Variants in SUMF2 observed in about 807,000 individuals in gnomAD.
The protein encoded by SUMF2 is sulfatase modifying factor 2.
In SUMF2, 45 loss-of-function variants were observed where a neutral mutation model predicts 44.8. The ratio of observed to expected loss-of-function variants is 1.00; its 90% CI spans 0.79 to 1.29. The LOEUF (loss-of-function observed/expected upper bound fraction) is 1.29. SUMF2 is among the 50% of genes most tolerant of loss of function. The probability of loss-of-function intolerance (pLI) is 0.00; values close to 1 mark genes in which losing one functional copy is unlikely to be tolerated. For synonymous variants in SUMF2, 148 were observed against 150.4 expected (o/e 0.98, Z 0.12); for missense variants, 418 against 389.9 (o/e 1.07, Z -0.61).
At chr7:56,076,785 C>T (rs1266036789) in intron 5 of SUMF2, 49 bp from the exon 6 acceptor site, 2 of 1,521,696 alleles carry the variant, frequency 1.3e-6, no homozygotes, top group Non-Finnish European at 1.8e-6. Flanking sequence ...TTTTCCTTCC[C>T]TAATTCTTCA....
chr7:56,087,062 G>A, the SUMF2 span: 3 of 1,578,660 alleles, frequency 1.9e-6, no homozygotes, highest in Non-Finnish European at 2.6e-6. Flanking sequence ...AAGTAGCAGG[G>A]GAGCCCAGGC....
downstream of SUMF2, chr7:56,080,791 A>C (rs1562874766): frequency 1.9e-6 from 1 of 525,858 alleles, no homozygotes; most frequent in Non-Finnish European, 3.4e-6. Flanking sequence ...GTAGAGGAGC[A>C]GGGGGTTCCT....
chr7:56,086,479 TTTTTG>T, the SUMF2 span, among the ~76,000 whole-genome samples: 1 of 152,008 alleles, frequency 6.6e-6, no homozygotes, highest in Non-Finnish European at 1.5e-5. Flanking sequence ...TTTGGGGTTT[TTTTTG>T]TTTTGTTTTG....
chr7:56,070,067 C>T (rs1795060407), intron 2 of SUMF2, among the ~76,000 whole-genome samples: 1 of 151,920 alleles, frequency 6.6e-6, no homozygotes, highest in Non-Finnish European at 1.5e-5. Context: ...CACCACCACG[C>T]CCAGCTATTT....
At chr7:56,079,038 A>G in intron 8 of SUMF2, 2 of 560,200 alleles carry the variant, frequency 3.6e-6, no homozygotes, top group East Asian at 2.9e-5. Context: ...CTGGGACTAC[A>G]GGTGCGGCTA....
chr7:56,085,546 T>C (rs186336816), downstream of SUMF2, among the ~76,000 whole-genome samples: 44 of 152,330 alleles, frequency 2.9e-4, no homozygotes, highest in Non-Finnish European at 5.9e-4. Context: ...GATGATGATA[T>C]TGATCTTTGG....
At chr7:56,074,396 C>A in intron 4 of SUMF2, 178 bp downstream of exon 4, 2 of 979,436 alleles carry the variant, frequency 2.0e-6, no homozygotes, top group Non-Finnish European at 3.0e-6. Context: ...TTTCCTGTTA[C>A]CCATCCATTT....
At chr7:56,077,977 A>G in intron 6 of SUMF2, 125 bp from the exon 7 acceptor site, 1 of 748,190 alleles carries the variant, frequency 1.3e-6, no homozygotes, top group African/African-American at 1.7e-5. Context: ...ATCTTAGGTC[A>G]CCGCCCCGTG....
At chr7:56,083,771 C>T, downstream of SUMF2, 1 of 1,237,336 alleles carries the variant, frequency 8.1e-7, no homozygotes, top group East Asian at 2.5e-5. Context: ...ACTGCCCTTA[C>T]CCTGCTCCCA....
downstream of SUMF2, chr7:56,082,120 T>C (rs750946296): frequency 3.6e-5 from 58 of 1,611,682 alleles, no homozygotes; most frequent in Middle Eastern, 1.6e-4. Context: ...CTTCCTCCCT[T>C]GCCCAGCCTA....
At position 56,080,652 on chromosome 7, in the gene SUMF2, C is replaced by T. The variant is rs1330280499; in HGVS notation, c.*1040C>T. 8.9e-6 allele frequency: 2 copies of T among 225,384 alleles called. No individual in the cohort carries two copies. The highest frequency in any genetic ancestry group is 4.6e-5 in the African/African-American group (2 of 43,594). The allele number at this position is 225,384 out of a possible 1,614,324, so 14.0% of individuals were successfully genotyped here. On this transcript the variant is annotated 3_prime_UTR_variant, in exon 9 of 9. Transcript: ENST00000434526. ...GGATGTCATGGGGCCAATAAAATCT[C>T]CTGCAATTGTGTATCTCAGACATTT...
chr7:56,078,974 AC>A, intron 8 of SUMF2: 3 of 623,918 alleles, frequency 4.8e-6, no homozygotes, highest in Non-Finnish European at 8.8e-6. Flanking sequence ...TCAGCTCACT[AC>A]AGCCTCAAAC....
chr7:56,080,916 GGC>G (rs762363407), downstream of SUMF2: 35 of 952,914 alleles, frequency 3.7e-5, no homozygotes, highest in Non-Finnish European at 5.1e-5. Context: ...AGGGGATCGT[GGC>G]CTCAGTTCCA....
chr7:56,083,996 C>T (rs1226497085), downstream of SUMF2, among the ~76,000 whole-genome samples: 1 of 152,130 alleles, frequency 6.6e-6, no homozygotes. Context: ...CTGAATTTTT[C>T]CCCTGGAAAA....
downstream of SUMF2, chr7:56,082,405 C>A: frequency 1.7e-6 from 1 of 590,844 alleles, no homozygotes; most frequent in Non-Finnish European, 3.0e-6. Context: ...CCAGCCTGGC[C>A]AACATGGCGA....
intron 1 of SUMF2, 91 bp from the exon 2 acceptor site, chr7:56,068,391 A>T (rs1794948969): frequency 6.3e-6 from 8 of 1,267,046 alleles, no homozygotes; most frequent in Admixed American, 6.0e-5. Context: ...GTGTTTTGTT[A>T]TACCATCATG....
chr7:56,083,584 G>T, downstream of SUMF2: 1 of 1,501,936 alleles, frequency 6.7e-7, no homozygotes. Flanking sequence ...CCTCCCCTGA[G>T]ACCCCAGTGC....
chr7:56,079,077 C>T (rs1795789796), intron 8 of SUMF2: 2 of 531,948 alleles, frequency 3.8e-6, no homozygotes, highest in Non-Finnish European at 6.8e-6. Flanking sequence ...TTTTGCCATG[C>T]TGCCTAGGTT....
chr7:56,086,406 C>T, the SUMF2 span, among the ~76,000 whole-genome samples: 2 of 152,064 alleles, frequency 1.3e-5, no homozygotes, highest in African/African-American at 4.8e-5. Flanking sequence ...GGCACGGTGG[C>T]TTATGCCTGT....
Sources: gnomAD v4.1 joint callset for allele counts (sites outside exome capture counted in the v4.1 genomes callset) on GRCh38, gnomAD v4.1.1 for gene constraint, MANE v1.5 for transcripts, NCBI Gene and HGNC (gene_info 2026-07-23, HGNC 2026-07-21) for gene names.